The following DNAI7 variants were observed in gnomAD, a reference collection of about 807,000 sequenced individuals.
DNAI7 encodes the protein cancer susceptibility 1.
In DNAI7, 78 loss-of-function variants were observed where a neutral mutation model predicts 86.6. That is an observed-to-expected ratio of 0.90 (90% confidence interval 0.75 to 1.09). The LOEUF is 1.09. Among genes scored for constraint, DNAI7 ranks in the 50% least tolerant of loss-of-function variants. The pLI is 0.00. For missense variants in DNAI7, 753 were observed against 810.2 expected, an observed-to-expected ratio of 0.93 and a Z score of 0.86; for synonymous variants, 274 against 273.0, an observed-to-expected ratio of 1.00 and a Z score of -0.04.
intron 8 of DNAI7, 35 bp from the exon 9 acceptor site, chr12:25,144,712 A>C (rs777712420): frequency 3.4e-6 from 5 of 1,489,208 alleles, no homozygotes; most frequent in Non-Finnish European, 4.6e-6. Flanking sequence ...AAAAGATGAG[A>C]CCCTAGGAAA....
chr12:25,154,251 TTTTTA>T, intron 6 of DNAI7, 63 bp downstream of exon 6: 1 of 1,322,652 alleles, frequency 7.6e-7, no homozygotes, highest in South Asian at 1.5e-5. Flanking sequence ...GATATATTAA[TTTTTA>T]TTTTGAGTTA....
intron 13 of DNAI7, among the ~76,000 whole-genome samples, chr12:25,112,498 C>G (rs745686243): frequency 1.3e-5 from 2 of 149,868 alleles, no homozygotes; most frequent in South Asian, 2.1e-4. Flanking sequence ...GCTCTGCCTC[C>G]CAGGTTCACA....
At chr12:25,140,048 G>C (rs1295551429) in intron 9 of DNAI7, among the ~76,000 whole-genome samples, 3 of 152,020 alleles carry the variant, frequency 2.0e-5, no homozygotes, top group Non-Finnish European at 2.9e-5. Flanking sequence ...AATGCCTTAA[G>C]TTAATAAAAG....
intron 1 of DNAI7, among the ~76,000 whole-genome samples, chr12:25,191,360 A>G (rs542508128): frequency 2.0e-4 from 30 of 151,946 alleles, no homozygotes; most frequent in Middle Eastern, 3.4e-3. Context: ...GAGCCATGAC[A>G]CTCAGCCTGG....
chr12:25,122,932 G>A (rs1244209986), intron 10 of DNAI7, among the ~76,000 whole-genome samples: 1 of 152,128 alleles, frequency 6.6e-6, no homozygotes, highest in Non-Finnish European at 1.5e-5. Context: ...TATATATTGT[G>A]TTCTATGTAT....
At chr12:25,118,707 G>A (rs1012616182) in intron 12 of DNAI7, among the ~76,000 whole-genome samples, 1 of 152,016 alleles carries the variant, frequency 6.6e-6, no homozygotes, top group Non-Finnish European at 1.5e-5. Context: ...GATTACAGGT[G>A]CACACCATCA....
At chr12:25,161,623 G>C (rs1186907458) in intron 2 of DNAI7, among the ~76,000 whole-genome samples, 3 of 152,170 alleles carry the variant, frequency 2.0e-5, no homozygotes, top group Non-Finnish European at 4.4e-5. Context: ...TTGCAAGCTT[G>C]GAAGAAGGAG....
chr12:25,123,210 C>A lies in DNAI7; in HGVS notation c.1078+1G>T. On this transcript the variant is annotated splice_donor_variant, in intron 10 of 15. Transcript: ENST00000395987. LOFTEE classifies it high-confidence loss of function. ...AATTCTTAAAATGTAATTTAGAATACCTGCTGAAACAGTTTCACTTAATAC... is the reference window on the plus strand; with the variant it reads ...AATTCTTAAAATGTAATTTAGAATAACTGCTGAAACAGTTTCACTTAATAC... The A allele has an allele frequency of 1.3e-6, 2 of 1,566,574 alleles. No individual in the cohort carries two copies. Among genetic ancestry groups the A allele is most frequent in the Non-Finnish European group, 8.7e-7 (1 of 1,145,840 alleles).
rs943707532 is a variant in DNAI7 at position 25,195,111 on chromosome 12, A to G, written c.-33T>C. On this transcript the variant is annotated 5_prime_UTR_variant, in exon 1 of 16. Coordinates refer to ENST00000395987, the MANE Select transcript of DNAI7 (RefSeq NM_018272.5). ...CAAGCTCCACTGCAGTAGTCCGCAG[A>G]GTCGGAGCAGAAATTGTGTGGACAA... The G allele has an allele frequency of 1.9e-6, 3 of 1,610,472 alleles. No individual in the cohort carries two copies. In the Admixed American group the frequency reaches 5.0e-5, roughly 27 times the overall value.
chr12:25,109,188 T>G (rs1326145227), intron 15 of DNAI7, among the ~76,000 whole-genome samples: 1 of 152,192 alleles, frequency 6.6e-6, no homozygotes, highest in Non-Finnish European at 1.5e-5. Flanking sequence ...GGGCTTATAT[T>G]TGAGTGGGGG....
chr12:25,109,170 C>T (rs547617672), intron 15 of DNAI7, among the ~76,000 whole-genome samples: 1 of 152,254 alleles, frequency 6.6e-6, no homozygotes, highest in African/African-American at 2.4e-5. Flanking sequence ...CAAAGCCCTG[C>T]CCTCAAGGGG....
chr12:25,120,518 C>T (rs968427519), intron 11 of DNAI7, among the ~76,000 whole-genome samples: 4 of 151,572 alleles, frequency 2.6e-5, no homozygotes, highest in African/African-American at 4.8e-5. Flanking sequence ...GTCAGGAAAT[C>T]GAGACCATCC....
At chr12:25,123,048 A>G (rs1236697977) in intron 10 of DNAI7, among the ~76,000 whole-genome samples, 163 bp downstream of exon 10, 1 of 152,234 alleles carries the variant, frequency 6.6e-6, no homozygotes, top group Non-Finnish European at 1.5e-5. Context: ...TAAATTGAGC[A>G]AAGAAATCTG....
chr12:25,160,761 A>C lies in DNAI7; in HGVS notation c.106+352T>G, dbSNP rs189739958. On this transcript the variant is annotated intron_variant, in intron 3 of 15. Transcript: ENST00000395987. Reference sequence around the variant, plus strand: ...AAAGAAAATTTTATATTCGAGTGCTATTTCTTTTGCGGCACCAAAACTTTA... The same window carrying C: ...AAAGAAAATTTTATATTCGAGTGCTCTTTCTTTTGCGGCACCAAAACTTTA... Among the ~76,000 whole-genome samples the C allele has an allele frequency of 2.4e-3, 372 of 152,262 alleles. 6 individuals carry two copies. Among genetic ancestry groups the C allele is most frequent in the Admixed American group, 0.02 (301 of 15,290 alleles).
At chr12:25,188,508 T>C (rs1252713290) in intron 2 of DNAI7, among the ~76,000 whole-genome samples, 1 of 152,142 alleles carries the variant, frequency 6.6e-6, no homozygotes, top group African/African-American at 2.4e-5. Context: ...CTACCTACAC[T>C]GTAAATTCCC....
chr12:25,154,588 G>T, intron 5 of DNAI7, 132 bp from the exon 6 acceptor site: 1 of 796,902 alleles, frequency 1.3e-6, no homozygotes, highest in Non-Finnish European at 2.0e-6. Context: ...GCTTTAACCA[G>T]TAACTTGAGA....
intron 2 of DNAI7, 38 bp from the exon 3 acceptor site, chr12:25,161,235 T>C: frequency 6.5e-7 from 1 of 1,528,470 alleles, no homozygotes; most frequent in South Asian, 1.1e-5. Flanking sequence ...GCTATTAACA[T>C]GCAAGTTACT....
At chr12:25,119,386 AT>A (rs1940826341) in intron 11 of DNAI7, 85 bp from the exon 12 acceptor site, 2 of 763,588 alleles carry the variant, frequency 2.6e-6, no homozygotes, top group Non-Finnish European at 4.2e-6. Flanking sequence ...TTATATAGTT[AT>A]TTTTAATAAG....
chr12:25,130,999 C>G (rs1005530204), intron 9 of DNAI7, among the ~76,000 whole-genome samples: 1 of 151,906 alleles, frequency 6.6e-6, no homozygotes, highest in South Asian at 2.1e-4. Flanking sequence ...TTGTGATTAC[C>G]TAACATATCA....
Sources: allele counts gnomAD v4.1 joint callset (sites outside exome capture counted in the v4.1 genomes callset), GRCh38; gene constraint gnomAD v4.1.1; transcripts MANE v1.5; gene names NCBI Gene and HGNC (gene_info 2026-07-23, HGNC 2026-07-21).